Variants in NISCH observed in about 807,000 individuals in gnomAD.
NISCH encodes nischarin.
A neutral mutation model predicts 138.4 loss-of-function variants in NISCH; 55 were observed. That is an observed-to-expected ratio of 0.40 (90% CI 0.32 to 0.50). NISCH has a LOEUF of 0.50. Among genes scored for constraint, NISCH ranks in the 20% least tolerant of loss-of-function variants. The pLI is 0.71. For synonymous variants in NISCH, 860 were observed against 861.5 expected (o/e 1.00, Z 0.03); for missense variants, 1,643 against 2,005.5 (o/e 0.82, Z 3.45).
chr3:52,458,517 A>T, intron 2 of NISCH, 145 bp from the exon 3 acceptor site: 1 of 597,196 alleles, frequency 1.7e-6, no homozygotes, highest in Non-Finnish European at 3.0e-6. Flanking sequence ...TCCCAGGTGC[A>T]CTAGTTTGGT....
At chr3:52,491,692 C>T (rs1264493610) in intron 20 of NISCH, 179 bp downstream of exon 20, 4 of 1,058,052 alleles carry the variant, frequency 3.8e-6, no homozygotes, top group Non-Finnish European at 5.4e-6. Context: ...AGTCCCTCAA[C>T]CATCTGGCAG....
intron 3 of NISCH, among the ~76,000 whole-genome samples, chr3:52,466,999 CTTTTTTTTTTTT>C (rs11457136): frequency 8.1e-6 from 1 of 122,758 alleles, no homozygotes; most frequent in Non-Finnish European, 1.6e-5. Flanking sequence ...GTTTCTTTTT[CTTTTTTTTTTTT>C]TTTTTTGAGA....
chr3:52,455,734 G>T lies in NISCH; in HGVS notation c.93G>T (p.Thr31=). Residue 31 remains threonine (T), a splice_region_variant and synonymous_variant, in exon 1 of 21, where the codon ACG becomes ACT. Coordinates refer to ENST00000345716, the MANE Select transcript of NISCH (RefSeq NM_007184.4). ...GCTCGGAGCTTGTGGACACTTATACGGTGTGTTGGGGGCGCGGGCACCCGA... is the reference window on the plus strand; with the variant it reads ...GCTCGGAGCTTGTGGACACTTATACTGTGTGTTGGGGGCGCGGGCACCCGA... ...VVGSELVDTY[T]VYIIQVTDGS... 4 of 1,357,972 alleles carry T rather than the reference G, an allele frequency of 2.9e-6. No homozygotes were observed. The highest frequency in any genetic ancestry group is 3.8e-6 in the Non-Finnish European group (4 of 1,044,492). 84.1% of individuals were successfully genotyped at this position (1,357,972 alleles called of 1,614,324 possible).
Position 52,455,680 on chromosome 3 carries a change from C to A in NISCH, c.39C>A (p.Ala13=). ...GCACCTTCGGGCCCGAGCGGGAAGC[C>A]GAGCCGGCCAAGGAAGCGCGCGTCG... ...TARTFGPERE[A]EPAKEARVVG... is the part of the protein sequence containing the mutation. Residue 13 remains alanine (A), a synonymous_variant, in exon 1 of 21, where the codon GCC becomes GCA. Transcript: ENST00000345716. The A allele has an allele frequency of 7.3e-7, 1 of 1,361,170 alleles. No homozygotes were observed. Among genetic ancestry groups the A allele is most frequent in the Non-Finnish European group, 9.5e-7 (1 of 1,047,286 alleles). The allele number at this position is 1,361,170 out of a possible 1,614,324, so 84.3% of individuals were successfully genotyped here.
Position 52,479,897 on chromosome 3 carries a change from C to T in NISCH, c.1416+35C>T, listed in dbSNP as rs751382487. 3.3e-6 allele frequency: 5 copies of T among 1,528,814 alleles called. No homozygotes were observed. In the South Asian group the frequency reaches 5.7e-5, roughly 17 times the overall value. 94.7% of individuals were successfully genotyped at this position (1,528,814 alleles called of 1,614,324 possible). A position where few individuals can be genotyped will look rare whatever the true frequency, so the allele number is the denominator to read the frequency against. ...TGTGGCAGGTGGGAGGGCAGTGGTG[C>T]AGAGCCAGCCGGGATAGGAGCCAGT... is the stretch of plus-strand genomic sequence containing the variant. On this transcript the variant is annotated intron_variant, in intron 12 of 20. Coordinates refer to ENST00000345716, the MANE Select transcript of NISCH (RefSeq NM_007184.4).
chr3:52,488,497 G>A lies in NISCH; in HGVS notation c.3005G>A (p.Arg1002Gln), dbSNP rs200440036. 3.9e-5 allele frequency: 63 copies of A among 1,613,334 alleles called. No individual in the cohort carries two copies. The East Asian group carries it at 9.4e-4, about 24-fold the overall frequency. ...TTCCTGCGCGTCTACAACCAGCTGCGGGCCTCGCTGCAGGACCTGAAGACT... is the reference window on the plus strand; with the variant it reads ...TTCCTGCGCGTCTACAACCAGCTGCAGGCCTCGCTGCAGGACCTGAAGACT... ...FHFLRVYNQL[R>Q]ASLQDLKTVV... is the part of the protein sequence containing the mutation. The change falls in exon 16 of 21, where the codon CGG (arginine) becomes CAG (glutamine). Residue 1002 changes from arginine to glutamine, a missense_variant. By Grantham distance (43) the Arg-to-Gln change is conservative. Coordinates refer to ENST00000345716, the MANE Select transcript of NISCH (RefSeq NM_007184.4).
At chr3:52,484,462 T>TTGGCGCC in intron 13 of NISCH, 51 bp from the exon 14 acceptor site, 9 of 788,668 alleles carry the variant, frequency 1.1e-5, no homozygotes, top group Non-Finnish European at 1.6e-5. Context: ...ACAGCCGCTC[T>TTGGCGCC]CCCCGCCCCA....
intron 1 of NISCH, 97 bp from the exon 2 acceptor site, chr3:52,457,746 A>G: frequency 1.1e-6 from 1 of 937,842 alleles, no homozygotes; most frequent in Non-Finnish European, 1.8e-6. Flanking sequence ...CTGATAAAAG[A>G]TAATTGGGAA....
At chr3:52,478,994 G>A (rs1707185625) in intron 11 of NISCH, among the ~76,000 whole-genome samples, 1 of 152,048 alleles carries the variant, frequency 6.6e-6, no homozygotes, top group African/African-American at 2.4e-5. Flanking sequence ...CCATCGCCTG[G>A]GCCTGGAGCA....
chr3:52,483,619 T>C (rs1251162040), intron 13 of NISCH, among the ~76,000 whole-genome samples: 2 of 152,172 alleles, frequency 1.3e-5, no homozygotes, highest in African/African-American at 2.4e-5. Flanking sequence ...GGCAGGTCAG[T>C]GGGCACGTCC....
At chr3:52,456,439 C>G (rs1706472495) in intron 1 of NISCH, among the ~76,000 whole-genome samples, 2 of 152,146 alleles carry the variant, frequency 1.3e-5, no homozygotes, top group Non-Finnish European at 2.9e-5. Context: ...CACTTCTAAG[C>G]TATGGGGGAG....
At position 52,468,850 on chromosome 3, in the gene NISCH, A is replaced by G. The variant is rs530975904; in HGVS notation, c.361-2009A>G. ...TTTAAAGAACCAAAAGAAAATTAAG[A>G]GAATATTTTTATAATTGTGGAGTGA... On this transcript the variant is annotated intron_variant, in intron 3 of 20. Transcript: ENST00000345716. Among the ~76,000 whole-genome samples the G allele has an allele frequency of 2.0e-4, 30 of 152,312 alleles. 1 individual carries two copies. Among genetic ancestry groups the G allele is most frequent in the African/African-American group, 7.0e-4 (29 of 41,562 alleles).
At chr3:52,467,004 T>C (rs572240229) in intron 3 of NISCH, among the ~76,000 whole-genome samples, 12 of 145,246 alleles carry the variant, frequency 8.3e-5, no homozygotes, top group African/African-American at 2.7e-4. Flanking sequence ...TTTTTCTTTT[T>C]TTTTTTTTTT....
chr3:52,471,390 T>C (rs1440581146), intron 4 of NISCH: 2 of 281,636 alleles, frequency 7.1e-6, no homozygotes, highest in East Asian at 8.7e-5. Context: ...CAGCAGTCAG[T>C]TGGGCTCAGA....
chr3:52,470,579 T>G, intron 3 of NISCH: 1 of 503,704 alleles, frequency 2.0e-6, no homozygotes, highest in Non-Finnish European at 3.5e-6. Flanking sequence ...TCTGCTGGCC[T>G]CCTGGGCTAC....
At chr3:52,484,712 G>C in intron 14 of NISCH, 75 bp downstream of exon 14, 1 of 1,569,762 alleles carries the variant, frequency 6.4e-7, no homozygotes, top group Non-Finnish European at 8.7e-7. Flanking sequence ...TGTGCAGTAG[G>C]AAGTGGCCTA....
At chr3:52,466,984 A>G (rs1706797819) in intron 3 of NISCH, among the ~76,000 whole-genome samples, 1 of 146,012 alleles carries the variant, frequency 6.8e-6, no homozygotes, top group Non-Finnish European at 1.5e-5. Flanking sequence ...CATAGCTGAC[A>G]CTAAGTTTCT....
chr3:52,492,660 A>G lies in NISCH; in HGVS notation c.*178A>G, dbSNP rs1489220036. The G allele has an allele frequency of 1.1e-6, 1 of 920,122 alleles. No homozygotes were observed. Among genetic ancestry groups the G allele is most frequent in the East Asian group, 2.7e-5 (1 of 37,412 alleles). 57.0% of individuals were successfully genotyped at this position (920,122 alleles called of 1,614,324 possible). ...ATTCTTTCTCATGTTGGGAGTGAGAATGCCGGGCCCCTCAGGGCTGTCGGT... is the reference window on the plus strand; with the variant it reads ...ATTCTTTCTCATGTTGGGAGTGAGAGTGCCGGGCCCCTCAGGGCTGTCGGT... On this transcript the variant is annotated 3_prime_UTR_variant, in exon 21 of 21. Coordinates refer to ENST00000345716, the MANE Select transcript of NISCH (RefSeq NM_007184.4).
rs185911892 is a variant in NISCH at position 52,479,617 on chromosome 3, G to A, written c.1303-132G>A. The A allele has an allele frequency of 2.0e-3, 1,392 of 692,302 alleles. 20 individuals are homozygous for A. In the African/African-American group the frequency reaches 0.023, roughly 11 times the overall value. The allele number at this position is 692,302 out of a possible 1,614,324, so 42.9% of individuals were successfully genotyped here. A position where few individuals can be genotyped will look rare whatever the true frequency, so the allele number is the denominator to read the frequency against. On this transcript the variant is annotated intron_variant, in intron 11 of 20. Coordinates refer to ENST00000345716, the MANE Select transcript of NISCH (RefSeq NM_007184.4). ...GGCCTGGCCCACAGCAGGTGCTCACGCCTCCTCCTCAGCAGAGCCCTACCA... is the reference window on the plus strand; with the variant it reads ...GGCCTGGCCCACAGCAGGTGCTCACACCTCCTCCTCAGCAGAGCCCTACCA...
Sources: gnomAD v4.1 joint callset for allele counts (sites outside exome capture counted in the v4.1 genomes callset) on GRCh38, gnomAD v4.1.1 for gene constraint, MANE v1.5 for transcripts, NCBI Gene and HGNC (gene_info 2026-07-23, HGNC 2026-07-21) for gene names.